The following VPS13B variants were observed in gnomAD, a reference collection of about 807,000 sequenced individuals.
The protein encoded by VPS13B is intermembrane lipid transfer protein VPS13B.
Under a neutral mutation model 426.4 loss-of-function variants are expected in VPS13B, and 285 were observed. The observed-to-expected ratio is 0.67, with a 90% CI of 0.61 to 0.74. VPS13B has a LOEUF of 0.74. Among genes scored for constraint, VPS13B ranks in the 30% least tolerant of loss-of-function variants. VPS13B has a pLI of 0.00. For missense variants in VPS13B, 4,537 were observed against 4,782.6 expected (o/e 0.95, Z 1.51); for synonymous variants, 1,676 against 1,676.4 (o/e 1.00, Z 0.01).
intron 36 of VPS13B, among the ~76,000 whole-genome samples, chr8:99,712,552 C>T (rs369891865): frequency 6.6e-6 from 1 of 152,220 alleles, no homozygotes; most frequent in East Asian, 1.9e-4. Flanking sequence ...ATTGCAGGGC[C>T]TCTGTTTCTG....
At chr8:99,516,360 G>T (rs900997471) in intron 29 of VPS13B, among the ~76,000 whole-genome samples, 1 of 152,126 alleles carries the variant, frequency 6.6e-6, no homozygotes, top group African/African-American at 2.4e-5. Flanking sequence ...TGGAAATCAT[G>T]ATTGAAGGAG....
intron 43 of VPS13B, among the ~76,000 whole-genome samples, chr8:99,809,069 T>G (rs1813563497): frequency 6.6e-6 from 1 of 152,176 alleles, no homozygotes; most frequent in South Asian, 2.1e-4. Context: ...CTTCAACCTT[T>G]TTGTCCTCCA....
At chr8:99,791,480 T>C (rs1812531014) in intron 43 of VPS13B, among the ~76,000 whole-genome samples, 1 of 152,040 alleles carries the variant, frequency 6.6e-6, no homozygotes, top group Non-Finnish European at 1.5e-5. Context: ...CTGAATGAGT[T>C]TAAGTAGAGG....
At chr8:99,177,822 C>A (rs1379966754) in intron 16 of VPS13B, among the ~76,000 whole-genome samples, 1 of 152,180 alleles carries the variant, frequency 6.6e-6, no homozygotes, top group Non-Finnish European at 1.5e-5. Context: ...TTCTACATGA[C>A]CTATATCTAT....
intron 17 of VPS13B, among the ~76,000 whole-genome samples, chr8:99,200,188 G>A (rs1302694449): frequency 6.6e-6 from 1 of 152,074 alleles, no homozygotes; most frequent in Non-Finnish European, 1.5e-5. Context: ...TTTCCACTTA[G>A]CATACTATTT....
At chr8:99,788,868 G>A (rs1812404674) in intron 43 of VPS13B, among the ~76,000 whole-genome samples, 1 of 152,116 alleles carries the variant, frequency 6.6e-6, no homozygotes, top group South Asian at 2.1e-4. Flanking sequence ...ATCAAATTCA[G>A]TAGACTAAAG....
intron 39 of VPS13B, among the ~76,000 whole-genome samples, chr8:99,751,525 A>C (rs139617678): frequency 6.6e-6 from 1 of 152,312 alleles, no homozygotes; most frequent in East Asian, 1.9e-4. Context: ...TGTAAGTTCT[A>C]TGAAGTCACG....
intron 34 of VPS13B, among the ~76,000 whole-genome samples, chr8:99,646,669 T>A (rs1829588815): frequency 6.6e-6 from 1 of 152,204 alleles, no homozygotes; most frequent in Non-Finnish European, 1.5e-5. Flanking sequence ...CTCTCAGTGT[T>A]GAAGGTAAGG....
intron 51 of VPS13B, among the ~76,000 whole-genome samples, chr8:99,829,305 CT>C (rs1814910264): frequency 1.3e-5 from 2 of 152,258 alleles, no homozygotes; most frequent in Admixed American, 1.3e-4. Context: ...CCTTTTCATT[CT>C]TTTTTCTCTA....
chr8:99,688,775 G>A (rs1831525210), intron 35 of VPS13B, among the ~76,000 whole-genome samples: 1 of 152,054 alleles, frequency 6.6e-6, no homozygotes, highest in African/African-American at 2.4e-5. Context: ...ACAAATGTAT[G>A]TAATGTATAT....
intron 2 of VPS13B, among the ~76,000 whole-genome samples, chr8:99,014,692 C>CAAAAAAA (rs574786628): frequency 4.9e-5 from 3 of 61,230 alleles, no homozygotes; most frequent in Non-Finnish European, 7.9e-5. Context: ...GAAAAAAAGA[C>CAAAAAAA]AAAAAAAAAA....
intron 19 of VPS13B, among the ~76,000 whole-genome samples, chr8:99,356,424 G>T (rs1714294551): frequency 6.6e-6 from 1 of 152,172 alleles, no homozygotes; most frequent in South Asian, 2.1e-4. Context: ...CAGGCAGGGG[G>T]ATTGCTGGAG....
At position 99,686,446 on chromosome 8, in the gene VPS13B, T is replaced by C. The variant is rs1402662708; in HGVS notation, c.6047-13079T>C. 1.3e-5 allele frequency among the ~76,000 whole-genome samples: 2 copies of C among 151,124 alleles called. 1 individual carries two copies. Among genetic ancestry groups the C allele is most frequent in the African/African-American group, 4.9e-5 (2 of 40,552 alleles). ...TGTCCTTCCCTACAGGGCAGTGAAATTTCTCTTGTCCCAGGTACATCCAGA... is the reference window on the plus strand; with the variant it reads ...TGTCCTTCCCTACAGGGCAGTGAAACTTCTCTTGTCCCAGGTACATCCAGA... On this transcript the variant is annotated intron_variant, in intron 35 of 61. Transcript: ENST00000357162.
intron 34 of VPS13B, among the ~76,000 whole-genome samples, chr8:99,649,684 T>G (rs944405367): frequency 1.3e-5 from 2 of 150,844 alleles, no homozygotes; most frequent in Admixed American, 1.3e-4. Context: ...GGGTCCACCC[T>G]CAGGGCAAAG....
intron 17 of VPS13B, among the ~76,000 whole-genome samples, chr8:99,224,494 G>T (rs994557757): frequency 3.3e-5 from 5 of 151,978 alleles, no homozygotes; most frequent in African/African-American, 1.2e-4. Flanking sequence ...TAGAAAATTA[G>T]GATTGAATAA....
At chr8:99,272,672 A>G (rs961290882) in intron 17 of VPS13B, among the ~76,000 whole-genome samples, 1 of 152,122 alleles carries the variant, frequency 6.6e-6, no homozygotes, top group African/African-American at 2.4e-5. Context: ...CCAACCATTT[A>G]TTTATGGGAA....
chr8:99,229,437 T>A (rs1816199182), intron 17 of VPS13B, among the ~76,000 whole-genome samples: 1 of 152,078 alleles, frequency 6.6e-6, no homozygotes, highest in Non-Finnish European at 1.5e-5. Flanking sequence ...TTGTTGAAGG[T>A]GGGGGTGGAC....
intron 51 of VPS13B, among the ~76,000 whole-genome samples, chr8:99,831,798 T>C (rs60891426): frequency 0.36 from 54,914 of 152,098 alleles, 10,144 homozygotes; most frequent in East Asian, 0.47. Context: ...CACGGTTATA[T>C]ACAAGTACTA....
At chr8:99,221,777 T>G (rs942239056) in intron 17 of VPS13B, among the ~76,000 whole-genome samples, 1 of 152,152 alleles carries the variant, frequency 6.6e-6, no homozygotes, top group Non-Finnish European at 1.5e-5. Flanking sequence ...ACAACCATCA[T>G]AGCTGACTGC....
Sources: allele counts gnomAD v4.1 joint callset (sites outside exome capture counted in the v4.1 genomes callset), GRCh38; gene constraint gnomAD v4.1.1; transcripts MANE v1.5; gene names NCBI Gene and HGNC (gene_info 2026-07-23, HGNC 2026-07-21).